The following MAGI1 variants were observed in gnomAD, a reference collection of about 807,000 sequenced individuals.
MAGI1 encodes membrane associated guanylate kinase, WW and PDZ domain containing 1, also known as membrane-associated guanylate kinase, WW and PDZ domain-containing protein 1.
A neutral mutation model predicts 139.9 loss-of-function variants in MAGI1; 58 were observed. The ratio of observed to expected loss-of-function variants is 0.41; its 90% confidence interval spans 0.34 to 0.52. The LOEUF (loss-of-function observed/expected upper bound fraction) is 0.52. Ranked by LOEUF, MAGI1 falls within the 20% of genes least tolerant of loss-of-function variation. The probability of loss-of-function intolerance (pLI) is 0.12; values close to 1 mark genes in which losing one functional copy is unlikely to be tolerated. For synonymous variants in MAGI1, 812 were observed against 737.9 expected (o/e 1.10, Z -1.63); for missense variants, 1,874 against 1,901.6 (o/e 0.99, Z 0.27).
rs1401882317 is a variant in MAGI1 at position 65,458,008 on chromosome 3, T to G, written c.960-4668A>C. On this transcript the variant is annotated intron_variant, in intron 5 of 22. Coordinates refer to ENST00000402939, the MANE Select transcript of MAGI1 (RefSeq NM_001033057.2). Reference sequence around the variant, plus strand: ...TCTACTCTACCTCCATGGGTTCAATTGCTTTAATTTTTAGTTCCACAAATA... The same window carrying G: ...TCTACTCTACCTCCATGGGTTCAATGGCTTTAATTTTTAGTTCCACAAATA... 2.0e-5 allele frequency among the ~76,000 whole-genome samples: 3 copies of G among 152,202 alleles called. No homozygotes were observed. The East Asian group carries it at 5.8e-4, about 29-fold the overall frequency.
In MAGI1 at chr3:65,429,757, C is replaced by A. The variant is rs748421084; in HGVS notation, c.1930G>T (p.Val644Phe). The change falls in exon 12 of 23, where the codon GTT becomes TTT. Residue 644 changes from valine (V) to phenylalanine (F), a missense_variant. Coordinates refer to ENST00000402939, the MANE Select transcript of MAGI1 (RefSeq NM_001033057.2). ...CCCATTGGCCCTTTGACAATATGAA[C>A]AGTTATGAGTTCTGGCTGAGTGGCT... ...SIATQPELIT[V>F]HIVKGPMGFG... The A allele has an allele frequency of 6.2e-7, 1 of 1,613,946 alleles. No homozygotes were observed. The highest frequency in any genetic ancestry group is 1.7e-5 in the Admixed American group (1 of 59,966).
At chr3:65,605,437 A>G (rs2082690575) in intron 2 of MAGI1, among the ~76,000 whole-genome samples, 1 of 152,232 alleles carries the variant, frequency 6.6e-6, no homozygotes, top group Non-Finnish European at 1.5e-5. Flanking sequence ...GAAATTATAG[A>G]TTTGATACTT....
intron 1 of MAGI1, chr3:65,688,531 G>A (rs2088275735): frequency 2.4e-6 from 1 of 425,010 alleles, no homozygotes; most frequent in South Asian, 2.0e-5. Flanking sequence ...GGTGCTACTG[G>A]TAGGTGCTAC....
intron 1 of MAGI1, among the ~76,000 whole-genome samples, chr3:65,962,345 T>C (rs1396411895): frequency 6.6e-6 from 1 of 151,562 alleles, no homozygotes; most frequent in East Asian, 2.0e-4. Flanking sequence ...ATGGTCTTGA[T>C]CTCCTGATCT....
intron 13 of MAGI1, among the ~76,000 whole-genome samples, chr3:65,397,197 G>C (rs780059181): frequency 1.3e-5 from 2 of 152,202 alleles, no homozygotes; most frequent in Non-Finnish European, 2.9e-5. Context: ...GGAAAAGGAA[G>C]ACAGGTGCCA....
chr3:65,787,829 A>T (rs765883067), intron 1 of MAGI1, among the ~76,000 whole-genome samples: 5 of 152,138 alleles, frequency 3.3e-5, no homozygotes, highest in African/African-American at 4.8e-5. Context: ...CTCAGAAAAT[A>T]ATAGCCTGTG....
intron 2 of MAGI1, among the ~76,000 whole-genome samples, chr3:65,591,052 C>G (rs79019723): frequency 6.6e-6 from 1 of 152,146 alleles, no homozygotes; most frequent in African/African-American, 2.4e-5. Context: ...CACAAAGCTA[C>G]GTGTGCAAGG....
At chr3:65,779,278 C>T (rs1164528307) in intron 1 of MAGI1, among the ~76,000 whole-genome samples, 2 of 152,070 alleles carry the variant, frequency 1.3e-5, no homozygotes, top group Non-Finnish European at 2.9e-5. Context: ...GTGAGTGGCC[C>T]TCTTCTCCAT....
At chr3:65,658,088 C>G (rs956304143) in intron 1 of MAGI1, among the ~76,000 whole-genome samples, 3 of 152,084 alleles carry the variant, frequency 2.0e-5, no homozygotes, top group African/African-American at 4.8e-5. Context: ...GGAAGTCACA[C>G]GAAGGAAAAT....
chr3:65,585,729 A>C (rs570418661), intron 2 of MAGI1, among the ~76,000 whole-genome samples: 1 of 152,320 alleles, frequency 6.6e-6, no homozygotes, highest in East Asian at 1.9e-4. Context: ...ATATTTAGTT[A>C]TCTCTCTGGC....
At chr3:65,451,489 G>C (rs1949030158) in intron 6 of MAGI1, among the ~76,000 whole-genome samples, 1 of 152,172 alleles carries the variant, frequency 6.6e-6, no homozygotes, top group Non-Finnish European at 1.5e-5. Flanking sequence ...AAGGGTTTCA[G>C]ATTTTGCATA....
chr3:65,416,570 C>T (rs575718700), intron 12 of MAGI1, among the ~76,000 whole-genome samples: 30 of 152,176 alleles, frequency 2.0e-4, no homozygotes, highest in African/African-American at 6.3e-4. Flanking sequence ...GAGAATAGCA[C>T]GGTGCTAAAG....
chr3:65,423,902 C>G (rs144861128), intron 12 of MAGI1, among the ~76,000 whole-genome samples: 1 of 152,308 alleles, frequency 6.6e-6, no homozygotes, highest in East Asian at 1.9e-4. Context: ...ACAGAATTTT[C>G]TCCTTTGCTT....
At chr3:65,580,449 C>A (rs981489964) in intron 2 of MAGI1, among the ~76,000 whole-genome samples, 1 of 152,016 alleles carries the variant, frequency 6.6e-6, no homozygotes, top group East Asian at 1.9e-4. Context: ...TACACAGTGA[C>A]CCAAAGTCAA....
At chr3:65,611,618 G>C (rs993960805) in intron 2 of MAGI1, among the ~76,000 whole-genome samples, 1 of 108,078 alleles carries the variant, frequency 9.3e-6, no homozygotes, top group African/African-American at 3.3e-5. Context: ...TACTATACTA[G>C]TATATACAGT....
intron 1 of MAGI1, among the ~76,000 whole-genome samples, chr3:65,768,288 T>G (rs1225930799): frequency 6.6e-6 from 1 of 152,104 alleles, no homozygotes; most frequent in Non-Finnish European, 1.5e-5. Flanking sequence ...GGTATGGTGG[T>G]GCCCACCTGT....
At position 65,943,008 on chromosome 3, in the gene MAGI1, G is replaced by A. The variant is rs375035410; in HGVS notation, c.313+94988C>T. Among the ~76,000 whole-genome samples the A allele has an allele frequency of 8.5e-5, 13 of 152,226 alleles. 1 individual carries two copies. In the East Asian group the frequency reaches 2.1e-3, roughly 25 times the overall value. On this transcript the variant is annotated intron_variant, in intron 1 of 22. Transcript: ENST00000402939. ...TGCACTCCAGCCTGGGTGGTGGAGG[G>A]AGACTCTGTCTCAAAAGAAAACAAA...
chr3:65,857,371 A>C (rs1188723084), intron 1 of MAGI1, among the ~76,000 whole-genome samples: 1 of 152,218 alleles, frequency 6.6e-6, no homozygotes, highest in East Asian at 1.9e-4. Flanking sequence ...AAAAATTGAT[A>C]AACTTTTGTT....
intron 2 of MAGI1, among the ~76,000 whole-genome samples, chr3:65,529,331 A>C (rs1486976827): frequency 6.6e-6 from 1 of 152,122 alleles, no homozygotes; most frequent in Non-Finnish European, 1.5e-5. Context: ...TCATCACCAC[A>C]AACAGAAACT....
Sources: allele counts gnomAD v4.1 joint callset (sites outside exome capture counted in the v4.1 genomes callset), GRCh38; gene constraint gnomAD v4.1.1; transcripts MANE v1.5; gene names NCBI Gene and HGNC (gene_info 2026-07-23, HGNC 2026-07-21).